The following FNDC3B variants were observed in gnomAD, a reference collection of about 807,000 sequenced individuals.
FNDC3B encodes the protein fibronectin type III domain containing 3B.
FNDC3B carries 12 observed loss-of-function variants against 151.5 expected under a neutral mutation model. That is an observed-to-expected ratio of 0.08 (90% confidence interval 0.05 to 0.13). FNDC3B has a LOEUF of 0.13. FNDC3B is among the 10% of genes least tolerant of loss of function. The pLI is 1.00. For synonymous variants in FNDC3B, 528 were observed against 549.0 expected (o/e 0.96, Z 0.54); for missense variants, 1,214 against 1,505.3 (o/e 0.81, Z 3.20).
chr3:172,385,983 G>A (rs1377328727), intron 25 of FNDC3B, among the ~76,000 whole-genome samples: 1 of 152,160 alleles, frequency 6.6e-6, no homozygotes, highest in East Asian at 1.9e-4. Context: ...TTTTTCAGGT[G>A]TCACAATGTG....
At chr3:172,237,246 A>G (rs373204652) in intron 4 of FNDC3B, 197 of 152,342 alleles carry the variant, frequency 1.3e-3, no homozygotes, top group African/African-American at 4.1e-3. Flanking sequence ...TGATTTGTTA[A>G]CTGGAGCTAA....
rs766763286 is a variant in FNDC3B at position 172,333,214 on chromosome 3, G to C, written c.1641+39G>C. 3.2e-6 allele frequency: 4 copies of C among 1,266,766 alleles called. No homozygotes were observed. In the African/African-American group the frequency reaches 4.4e-5, roughly 14 times the overall value. 78.5% of individuals were successfully genotyped at this position (1,266,766 alleles called of 1,614,324 possible). A position where few individuals can be genotyped will look rare whatever the true frequency, so the allele number is the denominator to read the frequency against. Reference sequence around the variant, plus strand: ...TTTGCTACCTGAACTGCTTAAAAATGAAACTGTTTTCTATTTCACCATTTA... The same window carrying C: ...TTTGCTACCTGAACTGCTTAAAAATCAAACTGTTTTCTATTTCACCATTTA... On this transcript the variant is annotated intron_variant, in intron 14 of 25. Coordinates refer to ENST00000415807, the MANE Select transcript of FNDC3B (RefSeq NM_022763.4).
chr3:172,385,931 T>C (rs1576967917), intron 25 of FNDC3B, among the ~76,000 whole-genome samples: 2 of 152,194 alleles, frequency 1.3e-5, no homozygotes, highest in East Asian at 3.8e-4. Flanking sequence ...GTTTGAAGCA[T>C]CAACTCTAAC....
At chr3:172,162,658 G>GT (rs2108620236) in intron 3 of FNDC3B, among the ~76,000 whole-genome samples, 1 of 76,070 alleles carries the variant, frequency 1.3e-5, no homozygotes, top group African/African-American at 6.6e-5. Flanking sequence ...GTTATTACCT[G>GT]GTTTTTTTTT....
At chr3:172,327,400 GGGGGC>G (rs558695639) in intron 11 of FNDC3B, among the ~76,000 whole-genome samples, 64 of 152,150 alleles carry the variant, frequency 4.2e-4, no homozygotes, top group African/African-American at 1.1e-3. Flanking sequence ...GATTTTTTTG[GGGGGC>G]GGGGCGGGGC....
intron 3 of FNDC3B, among the ~76,000 whole-genome samples, chr3:172,215,897 G>A (rs1576805550): frequency 1.3e-5 from 2 of 152,264 alleles, no homozygotes; most frequent in East Asian, 1.9e-4. Flanking sequence ...AAGCAGAATA[G>A]GGGGTAATTT....
At chr3:172,044,281 C>A (rs1294554681) in intron 1 of FNDC3B, among the ~76,000 whole-genome samples, 2 of 124,138 alleles carry the variant, frequency 1.6e-5, no homozygotes, top group Middle Eastern at 4.0e-3. Context: ...AAAATTCCAA[C>A]TCTTTTTTTT....
chr3:172,086,743 T>C (rs1169889938), intron 1 of FNDC3B, among the ~76,000 whole-genome samples: 2 of 152,232 alleles, frequency 1.3e-5, no homozygotes, highest in Non-Finnish European at 2.9e-5. Flanking sequence ...CATTAGATCT[T>C]AAAAAGTTTG....
intron 14 of FNDC3B, among the ~76,000 whole-genome samples, chr3:172,333,884 A>G (rs1396342822): frequency 1.3e-5 from 2 of 151,924 alleles, no homozygotes; most frequent in East Asian, 1.9e-4. Flanking sequence ...TTTCTCTTCC[A>G]TGACCCACCC....
intron 3 of FNDC3B, among the ~76,000 whole-genome samples, chr3:172,136,642 A>G (rs1721379708): frequency 6.6e-6 from 1 of 152,198 alleles, no homozygotes; most frequent in African/African-American, 2.4e-5. Flanking sequence ...AAATATTTGT[A>G]TTTTGTTAGG....
chr3:172,125,461 C>T (rs550762366), intron 2 of FNDC3B, among the ~76,000 whole-genome samples: 1 of 152,166 alleles, frequency 6.6e-6, no homozygotes, highest in East Asian at 1.9e-4. Flanking sequence ...GGGTAGTAGA[C>T]GGTAGTAGTA....
Position 172,229,084 on chromosome 3 carries a change from AACACACACACACAC to A in FNDC3B, c.264+2177_264+2190del, listed in dbSNP as rs760446690. ...TGTCATGCAGTTGTAGAAAGAAAGA[AACACACACACACAC>A]ACACACACACACACACACACACACA... On this transcript the variant is annotated intron_variant, in intron 4 of 25. Coordinates refer to ENST00000415807, the MANE Select transcript of FNDC3B (RefSeq NM_022763.4). Among the ~76,000 whole-genome samples the A allele has an allele frequency of 1.9e-3, 220 of 117,856 alleles. 1 individual carries two copies. The East Asian group carries it at 0.023, about 12-fold the overall frequency. 77.3% of individuals were successfully genotyped at this position (117,856 alleles called of 152,430 possible).
chr3:172,257,225 T>A (rs1728396998), intron 6 of FNDC3B, among the ~76,000 whole-genome samples: 1 of 152,208 alleles, frequency 6.6e-6, no homozygotes, highest in Non-Finnish European at 1.5e-5. Flanking sequence ...AACACTTTTT[T>A]ATGTATAAAA....
chr3:172,131,151 C>T (rs1310310139), intron 2 of FNDC3B, among the ~76,000 whole-genome samples: 1 of 152,102 alleles, frequency 6.6e-6, no homozygotes, highest in Non-Finnish European at 1.5e-5. Flanking sequence ...AATCCCAGCA[C>T]TTTGGGAGGC....
chr3:172,385,725 A>G (rs1261809194), intron 25 of FNDC3B, among the ~76,000 whole-genome samples: 1 of 151,778 alleles, frequency 6.6e-6, no homozygotes, highest in Non-Finnish European at 1.5e-5. Flanking sequence ...CACCTGGCTA[A>G]TTTTTTGTAT....
intron 5 of FNDC3B, 97 bp downstream of exon 5, chr3:172,247,873 TA>T (rs1727862737): frequency 7.4e-7 from 1 of 1,350,480 alleles, no homozygotes; most frequent in African/African-American, 1.4e-5. Context: ...ATAAGCATAG[TA>T]GAAAAGGATC....
At chr3:172,146,073 A>G (rs1009684639) in intron 3 of FNDC3B, among the ~76,000 whole-genome samples, 2 of 152,178 alleles carry the variant, frequency 1.3e-5, no homozygotes, top group African/African-American at 4.8e-5. Flanking sequence ...TCGGCCTCCC[A>G]GAGTGCTGGG....
chr3:172,082,611 T>C (rs563839261), intron 1 of FNDC3B, among the ~76,000 whole-genome samples: 1 of 152,314 alleles, frequency 6.6e-6, no homozygotes, highest in Non-Finnish European at 1.5e-5. Context: ...CAAAGAATGT[T>C]CCACCCATGT....
intron 13 of FNDC3B, among the ~76,000 whole-genome samples, chr3:172,332,816 A>G (rs1056909582): frequency 6.6e-6 from 1 of 152,214 alleles, no homozygotes; most frequent in Non-Finnish European, 1.5e-5. Flanking sequence ...AAAATGTTAA[A>G]TGTATTTTCA....
Sources: gnomAD v4.1 joint callset for allele counts (sites outside exome capture counted in the v4.1 genomes callset) on GRCh38, gnomAD v4.1.1 for gene constraint, MANE v1.5 for transcripts, NCBI Gene and HGNC (gene_info 2026-07-23, HGNC 2026-07-21) for gene names.